Variants in CDH13 observed in about 807,000 individuals in gnomAD.
CDH13 encodes the protein cadherin 13, also known as cadherin-13.
A neutral mutation model predicts 63.8 loss-of-function variants in CDH13; 24 were observed. The ratio of observed to expected loss-of-function variants is 0.38; its 90% CI spans 0.27 to 0.53. The LOEUF (loss-of-function observed/expected upper bound fraction) is 0.53. Among genes scored for constraint, CDH13 ranks in the 20% least tolerant of loss-of-function variants. The pLI, the probability that CDH13 is intolerant of heterozygous loss-of-function variation, is 0.85. For synonymous variants in CDH13, 503 were observed against 355.3 expected, an observed-to-expected ratio of 1.42 and a Z score of -4.67; for missense variants, 1,049 against 903.1, an observed-to-expected ratio of 1.16 and a Z score of -2.07.
intron 1 of CDH13, among the ~76,000 whole-genome samples, chr16:82,637,159 T>C (rs1309371636): frequency 6.6e-6 from 1 of 152,160 alleles, no homozygotes; most frequent in African/African-American, 2.4e-5. Context: ...AATTGGGCCC[T>C]GTAAAAATAC....
intron 2 of CDH13, among the ~76,000 whole-genome samples, chr16:82,914,429 T>C (rs998595930): frequency 3.3e-5 from 5 of 152,198 alleles, no homozygotes; most frequent in African/African-American, 1.2e-4. Flanking sequence ...TATTGTCTCA[T>C]GACTAGTAAA....
chr16:83,263,271 C>A (rs1317991266), intron 5 of CDH13, among the ~76,000 whole-genome samples: 1 of 152,178 alleles, frequency 6.6e-6, no homozygotes, highest in African/African-American at 2.4e-5. Context: ...ACAAAACATC[C>A]TTTTGCTTAG....
intron 1 of CDH13, among the ~76,000 whole-genome samples, chr16:82,710,576 T>TATATATAC (rs1491551033): frequency 8.5e-6 from 1 of 117,648 alleles, no homozygotes; most frequent in African/African-American, 3.0e-5. Context: ...TATATATATA[T>TATATATAC]AAATATATTT....
intron 2 of CDH13, among the ~76,000 whole-genome samples, chr16:82,907,455 A>G (rs1182193994): frequency 6.6e-6 from 1 of 152,194 alleles, no homozygotes; most frequent in Admixed American, 6.5e-5. Context: ...TGCAACTTGA[A>G]TCTGAGGCTT....
chr16:83,397,023 G>C (rs1567643675), intron 6 of CDH13, among the ~76,000 whole-genome samples: 1 of 152,096 alleles, frequency 6.6e-6, no homozygotes, highest in Admixed American at 6.5e-5. Flanking sequence ...AGCAGCCTTG[G>C]CTAAAAAGCC....
chr16:82,848,370 C>T (rs1286731407), intron 1 of CDH13, among the ~76,000 whole-genome samples: 4 of 152,124 alleles, frequency 2.6e-5, no homozygotes, highest in Non-Finnish European at 5.9e-5. Context: ...ACAAGAATAA[C>T]CCAATTTGTA....
At chr16:83,317,620 G>T (rs1458219849) in intron 5 of CDH13, among the ~76,000 whole-genome samples, 2 of 152,066 alleles carry the variant, frequency 1.3e-5, no homozygotes, top group Non-Finnish European at 2.9e-5. Flanking sequence ...GACCAACATG[G>T]TGAAACCCCA....
intron 3 of CDH13, among the ~76,000 whole-genome samples, chr16:83,093,161 C>G (rs1158414765): frequency 6.6e-6 from 1 of 152,180 alleles, no homozygotes; most frequent in East Asian, 1.9e-4. Flanking sequence ...ACTTCTTGTT[C>G]TGTCTCATCT....
intron 2 of CDH13, among the ~76,000 whole-genome samples, chr16:82,956,650 C>T (rs1266526692): frequency 6.6e-6 from 1 of 152,186 alleles, no homozygotes; most frequent in African/African-American, 2.4e-5. Flanking sequence ...GATGCCATCT[C>T]TGGTTTTATC....
chr16:82,720,965 C>A (rs771167734), intron 1 of CDH13, among the ~76,000 whole-genome samples: 12 of 152,260 alleles, frequency 7.9e-5, no homozygotes, highest in Non-Finnish European at 1.8e-4. Flanking sequence ...GGATCAAGAA[C>A]CTGAATTGAT....
At chr16:83,271,310 T>C (rs969899888) in intron 5 of CDH13, among the ~76,000 whole-genome samples, 1 of 149,782 alleles carries the variant, frequency 6.7e-6, no homozygotes, top group Non-Finnish European at 1.5e-5. Flanking sequence ...TACGGATAAG[T>C]GATCAGGGCA....
intron 10 of CDH13, among the ~76,000 whole-genome samples, chr16:83,722,294 A>G (rs1006653934): frequency 2.6e-5 from 4 of 152,374 alleles, no homozygotes; most frequent in South Asian, 2.1e-4. Context: ...ATGAAATATC[A>G]TGCATGTAGT....
At chr16:83,396,738 T>C (rs1041682670) in intron 6 of CDH13, 1 of 122,932 alleles carries the variant, frequency 8.1e-6, no homozygotes, top group African/African-American at 3.2e-5. Context: ...GCTGCAAGGA[T>C]ATGAGATTCA....
At chr16:83,788,775 G>C (rs1385313892) in intron 13 of CDH13, among the ~76,000 whole-genome samples, 1 of 152,160 alleles carries the variant, frequency 6.6e-6, no homozygotes, top group African/African-American at 2.4e-5. Context: ...ATCCCATCTA[G>C]CATCTGATGA....
chr16:82,751,937 A>G (rs2034434626), intron 1 of CDH13, among the ~76,000 whole-genome samples: 1 of 152,188 alleles, frequency 6.6e-6, no homozygotes, highest in Non-Finnish European at 1.5e-5. Flanking sequence ...TTAACTGACG[A>G]ATTTATCGGT....
At chr16:83,007,458 C>G (rs561411715) in intron 2 of CDH13, among the ~76,000 whole-genome samples, 10 of 152,312 alleles carry the variant, frequency 6.6e-5, no homozygotes, top group African/African-American at 2.4e-4. Context: ...AATCTGAGCT[C>G]TGATTCCAGA....
At position 83,072,872 on chromosome 16, in the gene CDH13, C is replaced by G. The variant is rs78442600; in HGVS notation, c.366+40654C>G. 1.5e-4 allele frequency among the ~76,000 whole-genome samples: 23 copies of G among 152,298 alleles called. No homozygotes were observed. In the East Asian group the frequency reaches 4.2e-3, roughly 28 times the overall value. On this transcript the variant is annotated intron_variant, in intron 3 of 13. Transcript: ENST00000567109. ...ACATTGGAGGAAAGTTGTAGAAAGA[C>G]TGCCCTGGAGGATTTCTAACATTTC...
chr16:83,772,684 T>TACCAC (rs1400878607), intron 11 of CDH13: 2 of 152,230 alleles, frequency 1.3e-5, no homozygotes, highest in Non-Finnish European at 2.9e-5. Flanking sequence ...GTGCACACAG[T>TACCAC]ACCACACTCC....
chr16:82,756,812 A>G (rs963126530), intron 1 of CDH13, among the ~76,000 whole-genome samples: 2 of 152,150 alleles, frequency 1.3e-5, no homozygotes, highest in African/African-American at 2.4e-5. Flanking sequence ...AAAATTGATG[A>G]TGAGAGAGAC....
Sources: allele counts gnomAD v4.1 joint callset (sites outside exome capture counted in the v4.1 genomes callset), GRCh38; gene constraint gnomAD v4.1.1; transcripts MANE v1.5; gene names NCBI Gene and HGNC (gene_info 2026-07-23, HGNC 2026-07-21).